Variants in KLHL1 observed in about 807,000 individuals in gnomAD.
KLHL1 encodes kelch-like protein 1.
A neutral mutation model predicts 77.7 loss-of-function variants in KLHL1; 47 were observed. That is an observed-to-expected ratio of 0.60 (90% CI 0.48 to 0.77). KLHL1 has a LOEUF of 0.77. KLHL1 is among the 30% of genes least tolerant of loss of function. The pLI, the probability that KLHL1 is intolerant of heterozygous loss-of-function variation, is 0.00. For synonymous variants in KLHL1, 360 were observed against 325.2 expected, an observed-to-expected ratio of 1.11 and a Z score of -1.15; for missense variants, 925 against 910.8, an observed-to-expected ratio of 1.02 and a Z score of -0.20.
chr13:70,000,360 AC>A (rs1566487183), intron 1 of KLHL1, among the ~76,000 whole-genome samples: 1 of 151,922 alleles, frequency 6.6e-6, no homozygotes, highest in Non-Finnish European at 1.5e-5. Context: ...TAAATTCATA[AC>A]CTCCAAATAG....
At chr13:69,861,714 G>A (rs1880168348) in intron 5 of KLHL1, among the ~76,000 whole-genome samples, 1 of 146,124 alleles carries the variant, frequency 6.8e-6, no homozygotes, top group Non-Finnish European at 1.5e-5. Context: ...CTTTGGGAGT[G>A]TTCAGGGTGG....
chr13:69,964,889 C>T (rs577111998), intron 2 of KLHL1, among the ~76,000 whole-genome samples: 1 of 152,090 alleles, frequency 6.6e-6, no homozygotes, highest in South Asian at 2.1e-4. Context: ...TTTGTTTGAA[C>T]CATCAATAAC....
At chr13:69,731,365 T>C (rs1873536254) in intron 8 of KLHL1, among the ~76,000 whole-genome samples, 1 of 152,182 alleles carries the variant, frequency 6.6e-6, no homozygotes, top group Non-Finnish European at 1.5e-5. Context: ...TAATTCCTTC[T>C]AGAAGTCTCA....
At chr13:69,779,344 CCCTCCTCTTTTTTCCTTT>C (rs1475320695) in intron 7 of KLHL1, among the ~76,000 whole-genome samples, 2 of 151,004 alleles carry the variant, frequency 1.3e-5, no homozygotes, top group African/African-American at 4.9e-5. Flanking sequence ...TTCCTTCCTT[CCCTCCTCTTTTTTCCTTT>C]CCTTCCTCCC....
intron 3 of KLHL1, among the ~76,000 whole-genome samples, chr13:69,948,776 C>T (rs557692139): frequency 2.2e-4 from 34 of 152,030 alleles, no homozygotes; most frequent in African/African-American, 8.2e-4. Context: ...CACAGAGTAT[C>T]CATCTTTCAT....
intron 1 of KLHL1, among the ~76,000 whole-genome samples, chr13:70,043,070 T>C (rs1179693742): frequency 1.3e-5 from 2 of 152,096 alleles, no homozygotes; most frequent in South Asian, 4.1e-4. Flanking sequence ...CACGCCCAAG[T>C]AATTTTGTAT....
intron 1 of KLHL1, among the ~76,000 whole-genome samples, chr13:70,100,802 C>G (rs1222934703): frequency 6.6e-6 from 1 of 152,114 alleles, no homozygotes; most frequent in Non-Finnish European, 1.5e-5. Context: ...AAACTTCAGA[C>G]CATTTGTTTT....
chr13:69,870,849 A>G (rs1413760525), intron 5 of KLHL1, among the ~76,000 whole-genome samples: 2 of 151,936 alleles, frequency 1.3e-5, no homozygotes, highest in East Asian at 3.9e-4. Context: ...GAGAGGTGAG[A>G]GGTGGGCTCT....
chr13:70,053,723 T>C (rs1380529901), intron 1 of KLHL1, among the ~76,000 whole-genome samples: 1 of 152,124 alleles, frequency 6.6e-6, no homozygotes, highest in African/African-American at 2.4e-5. Context: ...TCTATTGTTG[T>C]AAACCTCTAC....
chr13:70,102,692 C>A (rs1355709709), intron 1 of KLHL1, among the ~76,000 whole-genome samples: 1 of 152,088 alleles, frequency 6.6e-6, no homozygotes, highest in East Asian at 1.9e-4. Flanking sequence ...AAATTAATTA[C>A]CCTCTTTATA....
chr13:69,712,201 T>A (rs2137881203), intron 9 of KLHL1, among the ~76,000 whole-genome samples: 1 of 152,222 alleles, frequency 6.6e-6, no homozygotes, highest in African/African-American at 2.4e-5. Flanking sequence ...CATTTTACTG[T>A]CATATTTTCT....
intron 1 of KLHL1, among the ~76,000 whole-genome samples, chr13:70,020,711 C>T (rs917819240): frequency 6.6e-6 from 1 of 151,892 alleles, no homozygotes; most frequent in Non-Finnish European, 1.5e-5. Flanking sequence ...GTGGAATTTC[C>T]TTTTTACATA....
At chr13:69,756,606 T>C (rs929818545) in intron 7 of KLHL1, among the ~76,000 whole-genome samples, 10 of 152,084 alleles carry the variant, frequency 6.6e-5, no homozygotes, top group African/African-American at 2.4e-4. Flanking sequence ...ATTAGAAAAA[T>C]AGAAAACTTA....
intron 6 of KLHL1, among the ~76,000 whole-genome samples, chr13:69,816,363 T>C (rs1878123058): frequency 6.6e-6 from 1 of 150,424 alleles, no homozygotes; most frequent in Non-Finnish European, 1.5e-5. Flanking sequence ...CAGGCTCAAG[T>C]GATTCTTCTG....
intron 1 of KLHL1, among the ~76,000 whole-genome samples, chr13:70,033,430 C>A (rs2137369040): frequency 6.6e-6 from 1 of 152,018 alleles, no homozygotes; most frequent in South Asian, 2.1e-4. Flanking sequence ...GCTGGGCCTA[C>A]AGGTGCCCAC....
chr13:69,800,563 T>C (rs1877333092), intron 6 of KLHL1, among the ~76,000 whole-genome samples: 1 of 152,208 alleles, frequency 6.6e-6, no homozygotes, highest in Non-Finnish European at 1.5e-5. Context: ...AAACATTTTG[T>C]CTTCTTTTTA....
intron 4 of KLHL1, among the ~76,000 whole-genome samples, chr13:69,939,336 CATACATATAT>C (rs1203519491): frequency 8.2e-5 from 4 of 48,520 alleles, no homozygotes; most frequent in African/African-American, 2.8e-4. Flanking sequence ...TATACATATA[CATACATATAT>C]ATATATATAT....
chr13:69,876,901 G>A (rs954620526), intron 5 of KLHL1, among the ~76,000 whole-genome samples: 1 of 152,124 alleles, frequency 6.6e-6, no homozygotes, highest in African/African-American at 2.4e-5. Flanking sequence ...GCCGTGCGTG[G>A]TGGCGCATGC....
chr13:70,019,105 G>A (rs952221401), intron 1 of KLHL1, among the ~76,000 whole-genome samples: 1 of 152,164 alleles, frequency 6.6e-6, no homozygotes, highest in Non-Finnish European at 1.5e-5. Flanking sequence ...TGATACTTGA[G>A]TGTAGATCAT....
Sources: gnomAD v4.1 joint callset for allele counts (sites outside exome capture counted in the v4.1 genomes callset) on GRCh38, gnomAD v4.1.1 for gene constraint, MANE v1.5 for transcripts, NCBI Gene and HGNC (gene_info 2026-07-23, HGNC 2026-07-21) for gene names.